Variants in KCNH8 observed in about 807,000 individuals in gnomAD.
KCNH8 encodes the protein potassium voltage-gated channel subfamily H member 8.
KCNH8 carries 70 observed loss-of-function variants against 103.6 expected under a neutral mutation model. That is an observed-to-expected ratio of 0.68 (90% CI 0.56 to 0.82). The LOEUF is 0.82. Among genes scored for constraint, KCNH8 ranks in the 40% least tolerant of loss-of-function variants. KCNH8 has a pLI of 0.00. For missense variants in KCNH8, 1,217 were observed against 1,329.9 expected (o/e 0.92, Z 1.32); for synonymous variants, 498 against 489.4 (o/e 1.02, Z -0.23).
At chr3:19,448,788 G>T (rs1461269592) in intron 8 of KCNH8, 2 of 234,480 alleles carry the variant, frequency 8.5e-6, no homozygotes, top group Non-Finnish European at 1.8e-5. Context: ...TACTGAAACA[G>T]ATGATTTTAC....
intron 5 of KCNH8, among the ~76,000 whole-genome samples, chr3:19,380,931 CTA>C (rs1215425900): frequency 6.6e-6 from 1 of 152,178 alleles, no homozygotes; most frequent in Non-Finnish European, 1.5e-5. Flanking sequence ...ATAAAAATAA[CTA>C]TGAAATCATA....
chr3:19,413,175 A>C (rs544433314), intron 7 of KCNH8, among the ~76,000 whole-genome samples: 2 of 151,772 alleles, frequency 1.3e-5, no homozygotes, highest in South Asian at 4.2e-4. Context: ...AGCACCATGG[A>C]ATATCACATA....
intron 1 of KCNH8, among the ~76,000 whole-genome samples, chr3:19,190,818 C>T (rs1466408405): frequency 6.6e-6 from 1 of 151,870 alleles, no homozygotes; most frequent in East Asian, 1.9e-4. Flanking sequence ...TTCAAACCTC[C>T]ACTTAAAATC....
At chr3:19,424,981 G>A (rs972324909) in intron 7 of KCNH8, among the ~76,000 whole-genome samples, 2 of 151,842 alleles carry the variant, frequency 1.3e-5, no homozygotes, top group African/African-American at 4.8e-5. Context: ...TGGTTTCCCT[G>A]TTACACACAC....
At chr3:19,369,183 A>G (rs2125114611) in intron 5 of KCNH8, among the ~76,000 whole-genome samples, 1 of 152,054 alleles carries the variant, frequency 6.6e-6, no homozygotes, top group African/African-American at 2.4e-5. Context: ...ATTTCCCTTA[A>G]TGGTTGTAAC....
chr3:19,465,066 A>G (rs768137182), intron 11 of KCNH8, among the ~76,000 whole-genome samples: 32 of 152,180 alleles, frequency 2.1e-4, no homozygotes, highest in Non-Finnish European at 4.3e-4. Context: ...CTGCTTCTCT[A>G]TATTTCAATA....
intron 11 of KCNH8, among the ~76,000 whole-genome samples, chr3:19,501,239 T>A (rs2068576013): frequency 6.6e-6 from 1 of 151,960 alleles, no homozygotes. Context: ...AGAAGTTGAA[T>A]CTCTGAATAG....
At chr3:19,267,805 G>C (rs116753664) in intron 2 of KCNH8, among the ~76,000 whole-genome samples, 1 of 151,990 alleles carries the variant, frequency 6.6e-6, no homozygotes, top group Non-Finnish European at 1.5e-5. Flanking sequence ...AGACCAAAAG[G>C]CTTCTGTCCC....
chr3:19,244,910 G>T (rs780226599), intron 1 of KCNH8, among the ~76,000 whole-genome samples: 5 of 151,888 alleles, frequency 3.3e-5, no homozygotes, highest in Admixed American at 1.3e-4. Flanking sequence ...CTTTCATTCT[G>T]CAGGTTGTCT....
intron 2 of KCNH8, among the ~76,000 whole-genome samples, chr3:19,280,860 T>C (rs1378422721): frequency 6.6e-6 from 1 of 151,704 alleles, no homozygotes; most frequent in Non-Finnish European, 1.5e-5. Context: ...GTGCTGGGGG[T>C]GGGAAGGGGC....
intron 3 of KCNH8, among the ~76,000 whole-genome samples, chr3:19,290,354 C>T (rs1222414033): frequency 6.6e-6 from 1 of 152,122 alleles, no homozygotes; most frequent in African/African-American, 2.4e-5. Context: ...CCAGTTTTTG[C>T]CCATTCAGTG....
chr3:19,178,168 G>C lies in KCNH8; in HGVS notation c.76+29373G>C, dbSNP rs1411607530. The stretch of plus-strand genomic sequence containing the variant: ...ATTGTTAATAAGATTTAGAATTGAG[G>C]CTTCTGAAATAAAAAAAAAATTACT... On this transcript the variant is annotated intron_variant, in intron 1 of 15. Transcript: ENST00000328405. 2.0e-5 allele frequency among the ~76,000 whole-genome samples: 3 copies of C among 151,878 alleles called. No individual in the cohort carries two copies. In the South Asian group the frequency reaches 6.2e-4, roughly 32 times the overall value.
intron 11 of KCNH8, among the ~76,000 whole-genome samples, chr3:19,469,815 C>G (rs563212206): frequency 6.6e-6 from 1 of 152,186 alleles, no homozygotes; most frequent in Non-Finnish European, 1.5e-5. Flanking sequence ...AGCAAAATGA[C>G]TCTCAGTGCC....
chr3:19,468,681 T>C (rs988850243), intron 11 of KCNH8, among the ~76,000 whole-genome samples: 3 of 152,238 alleles, frequency 2.0e-5, no homozygotes, highest in African/African-American at 4.8e-5. Flanking sequence ...TCTCAGCTAA[T>C]GTGCCCATTT....
chr3:19,334,862 A>G (rs535743875), intron 3 of KCNH8, among the ~76,000 whole-genome samples: 31 of 152,110 alleles, frequency 2.0e-4, no homozygotes, highest in Non-Finnish European at 1.6e-4. Context: ...TATTTTTCAT[A>G]TTCAAGGAAG....
intron 5 of KCNH8, among the ~76,000 whole-genome samples, chr3:19,360,452 T>C (rs1320735692): frequency 6.6e-6 from 1 of 152,044 alleles, no homozygotes; most frequent in Non-Finnish European, 1.5e-5. Context: ...ACACAATTAC[T>C]CATATTCTTT....
At chr3:19,372,533 A>G (rs940763125) in intron 5 of KCNH8, among the ~76,000 whole-genome samples, 1 of 152,188 alleles carries the variant, frequency 6.6e-6, no homozygotes, top group Non-Finnish European at 1.5e-5. Context: ...GGGGTTTTCT[A>G]GAATACAATC....
intron 1 of KCNH8, among the ~76,000 whole-genome samples, chr3:19,205,847 A>G (rs146289809): frequency 2.0e-3 from 305 of 151,990 alleles, no homozygotes; most frequent in Non-Finnish European, 3.5e-3. Flanking sequence ...TTTTGGGGGA[A>G]CAGGGGGTAT....
intron 3 of KCNH8, among the ~76,000 whole-genome samples, chr3:19,315,189 G>A (rs1362235388): frequency 6.6e-6 from 1 of 151,906 alleles, no homozygotes; most frequent in Non-Finnish European, 1.5e-5. Context: ...AAACTGGGGA[G>A]TGAAGTGTCA....
Sources: allele counts gnomAD v4.1 joint callset (sites outside exome capture counted in the v4.1 genomes callset), GRCh38; gene constraint gnomAD v4.1.1; transcripts MANE v1.5; gene names NCBI Gene and HGNC (gene_info 2026-07-23, HGNC 2026-07-21).